Variants in OR2L13 observed in about 807,000 individuals in gnomAD.
The protein encoded by OR2L13 is olfactory receptor 2L13.
OR2L13 carries 14 observed loss-of-function variants against 15.3 expected under a neutral mutation model. That is an observed-to-expected ratio of 0.91 (90% CI 0.60 to 1.43). OR2L13 has a LOEUF of 1.43. Among genes scored for constraint, OR2L13 ranks in the 40% most tolerant of loss-of-function variants. The pLI is 0.00. For synonymous variants in OR2L13, 152 were observed against 142.9 expected, an observed-to-expected ratio of 1.06 and a Z score of -0.45; for missense variants, 367 against 387.9, an observed-to-expected ratio of 0.95 and a Z score of 0.45.
chr1:248,021,827 G>A, the OR2L13 span: 1 of 693,430 alleles, frequency 1.4e-6, no homozygotes, highest in Admixed American at 2.6e-5. Context: ...AGGGTTCAGT[G>A]TCAACTGCAA....
At chr1:248,048,921 C>CT in the OR2L13 span, among the ~76,000 whole-genome samples, 1,661 of 141,974 alleles carry the variant, frequency 0.012, 49 homozygotes, top group African/African-American at 0.045. Context: ...TTTTCTCTCT[C>CT]TCTTTTTTTT....
At chr1:248,014,710 A>G in the OR2L13 span, among the ~76,000 whole-genome samples, 724 of 152,204 alleles carry the variant, frequency 4.8e-3, 6 homozygotes, top group African/African-American at 0.016. Flanking sequence ...AAACTTGTAG[A>G]TTCTCTTCAA....
the OR2L13 span, among the ~76,000 whole-genome samples, chr1:248,037,825 A>C: frequency 6.6e-6 from 1 of 152,200 alleles, no homozygotes; most frequent in Non-Finnish European, 1.5e-5. Context: ...ACACTTCATA[A>C]ATTTTCAATT....
the OR2L13 span, among the ~76,000 whole-genome samples, chr1:247,978,450 A>G: frequency 6.6e-6 from 1 of 152,158 alleles, no homozygotes; most frequent in African/African-American, 2.4e-5. Flanking sequence ...TATCACTTGA[A>G]TCTTGGATCT....
the OR2L13 span, among the ~76,000 whole-genome samples, chr1:248,031,123 T>A: frequency 6.6e-6 from 1 of 152,070 alleles, no homozygotes; most frequent in African/African-American, 2.4e-5. Context: ...TATTTTTACA[T>A]AAGAAAAAAA....
the OR2L13 span, among the ~76,000 whole-genome samples, chr1:248,008,103 T>G: frequency 6.6e-6 from 1 of 152,318 alleles, no homozygotes; most frequent in East Asian, 1.9e-4. Context: ...TGGTACATTC[T>G]TATACTTTTC....
At chr1:248,100,808 C>G (rs1398423563) in exon 3 of OR2L13, 1 of 167,172 alleles carries the variant, frequency 6.0e-6, no homozygotes. Context: ...TCAATAGTTT[C>G]AGAAGTTATA....
At chr1:248,074,571 G>A in the OR2L13 span, among the ~76,000 whole-genome samples, 1 of 152,064 alleles carries the variant, frequency 6.6e-6, no homozygotes, top group Non-Finnish European at 1.5e-5. Context: ...CTGAGAGCAG[G>A]AACAGAACAC....
In OR2L13 at chr1:248,098,393, C is replaced by T. The variant is rs572357286; in HGVS notation, c.-143-258C>T. On this transcript the variant is annotated intron_variant, in intron 1 of 2. Transcript: ENST00000641714. The stretch of plus-strand genomic sequence containing the variant: ...TTCTGATCAGTTTTTATTTCTAAAG[C>T]ACTATAAGAAGCAGAGAGTGCCTGT... 8.9e-4 allele frequency among the ~76,000 whole-genome samples: 135 copies of T among 152,166 alleles called. 1 individual carries two copies. Among genetic ancestry groups the T allele is most frequent in the African/African-American group, 3.2e-3 (134 of 41,506 alleles).
the OR2L13 span, chr1:247,948,751 A>T: frequency 1.1e-6 from 1 of 888,504 alleles, no homozygotes; most frequent in Non-Finnish European, 1.8e-6. Context: ...CTGCAGTTTC[A>T]AACATCCACT....
At chr1:248,009,981 A>T in the OR2L13 span, among the ~76,000 whole-genome samples, 1 of 152,040 alleles carries the variant, frequency 6.6e-6, no homozygotes, top group African/African-American at 2.4e-5. Context: ...CATGCTAAAA[A>T]CTCTCAATAA....
chr1:248,083,669 C>T, the OR2L13 span: 66 of 1,570,106 alleles, frequency 4.2e-5, no homozygotes, highest in South Asian at 8.9e-5. Context: ...GCTGGTGTTT[C>T]AGGTTTACAC....
chr1:248,055,268 T>G, the OR2L13 span, among the ~76,000 whole-genome samples: 1 of 152,214 alleles, frequency 6.6e-6, no homozygotes, highest in African/African-American at 2.4e-5. Flanking sequence ...TACAACCAGC[T>G]TGCATCCAGG....
At chr1:248,069,175 G>A in the OR2L13 span, among the ~76,000 whole-genome samples, 1 of 152,172 alleles carries the variant, frequency 6.6e-6, no homozygotes, top group Admixed American at 6.5e-5. Context: ...ATAATTGTCA[G>A]ATTCACTAAA....
At chr1:247,943,418 T>TA in the OR2L13 span, among the ~76,000 whole-genome samples, 14 of 151,656 alleles carry the variant, frequency 9.2e-5, no homozygotes, top group African/African-American at 2.4e-4. Flanking sequence ...ACTCCCTGAA[T>TA]AAAAAAAAAT....
the OR2L13 span, among the ~76,000 whole-genome samples, chr1:248,075,572 G>A: frequency 6.6e-6 from 1 of 152,292 alleles, no homozygotes; most frequent in Non-Finnish European, 1.5e-5. Flanking sequence ...GTATCTCATT[G>A]TGGTTTTGAT....
chr1:247,974,705 T>G, the OR2L13 span: 2 of 231,554 alleles, frequency 8.6e-6, no homozygotes. Flanking sequence ...TCACTTATCT[T>G]TCTGCCGCCC....
the OR2L13 span, among the ~76,000 whole-genome samples, chr1:247,960,144 G>A: frequency 6.6e-6 from 1 of 152,178 alleles, no homozygotes; most frequent in Admixed American, 6.5e-5. Flanking sequence ...CTGTTTGTTA[G>A]TTTTCCTTCT....
the OR2L13 span, among the ~76,000 whole-genome samples, chr1:247,995,018 T>C: frequency 6.6e-6 from 1 of 152,226 alleles, no homozygotes; most frequent in African/African-American, 2.4e-5. Flanking sequence ...TTCATCTGAC[T>C]CTACCTGGAA....
Sources: gnomAD v4.1 joint callset for allele counts (sites outside exome capture counted in the v4.1 genomes callset) on GRCh38, gnomAD v4.1.1 for gene constraint, MANE v1.5 for transcripts, NCBI Gene and HGNC (gene_info 2026-07-23, HGNC 2026-07-21) for gene names.